Variants in SRPK1 observed in about 807,000 individuals in gnomAD.
SRPK1 encodes SRSF protein kinase 1.
Under a neutral mutation model 89.5 loss-of-function variants are expected in SRPK1, and 52 were observed. The ratio of observed to expected loss-of-function variants is 0.58; its 90% confidence interval spans 0.46 to 0.73. SRPK1 has a LOEUF of 0.73. Ranked by LOEUF, SRPK1 falls within the 30% of genes least tolerant of loss-of-function variation. The probability of loss-of-function intolerance (pLI) is 0.00; values close to 1 mark genes in which losing one functional copy is unlikely to be tolerated. For missense variants in SRPK1, 603 were observed against 780.6 expected, an observed-to-expected ratio of 0.77 and a Z score of 2.71; for synonymous variants, 255 against 270.2, an observed-to-expected ratio of 0.94 and a Z score of 0.55.
At chr6:35,870,784 T>A (rs1025080281) in intron 9 of SRPK1, 150 bp downstream of exon 9, 9 of 740,352 alleles carry the variant, frequency 1.2e-5, no homozygotes, top group Non-Finnish European at 1.7e-5. Flanking sequence ...TGAAGGTGCA[T>A]GGGAATTTAC....
At chr6:35,914,038 C>G (rs1407505172) in intron 2 of SRPK1, among the ~76,000 whole-genome samples, 1 of 133,844 alleles carries the variant, frequency 7.5e-6, no homozygotes, top group African/African-American at 2.8e-5. Context: ...TGCAATGGCA[C>G]GATCTCGGCT....
Position 35,870,754 on chromosome 6 carries a change from C to T in SRPK1, c.777+180G>A, listed in dbSNP as rs532591110. 5.9e-5 allele frequency among the ~76,000 whole-genome samples: 9 copies of T among 152,190 alleles called. No homozygotes were observed. The South Asian group carries it at 1.5e-3, about 25-fold the overall frequency. On this transcript the variant is annotated intron_variant, in intron 9 of 15. Transcript: ENST00000373825. ...CAGACAAACTCGAATTTTTTAGAGG[C>T]CTCACCAGTACAAATGTGATGAAGG...
rs1769150306 is a variant in SRPK1 at position 35,835,153 on chromosome 6, C to A, written c.*151G>T. The A allele has an allele frequency of 7.8e-6, 6 of 770,030 alleles. No homozygotes were observed. In the South Asian group the frequency reaches 1.4e-4, roughly 18 times the overall value. 47.7% of individuals were successfully genotyped at this position (770,030 alleles called of 1,614,324 possible). A position where few individuals can be genotyped will look rare whatever the true frequency, so the allele number is the denominator to read the frequency against. On this transcript the variant is annotated 3_prime_UTR_variant, in exon 16 of 16. Transcript: ENST00000373825. Reference sequence around the variant, plus strand: ...GGGGATCTCCACAGGGTCAAGTAAGCAAACCCAAATGAACATGTTGGATTA... The same window carrying A: ...GGGGATCTCCACAGGGTCAAGTAAGAAAACCCAAATGAACATGTTGGATTA...
At chr6:35,850,455 C>T (rs1256946110) in intron 13 of SRPK1, among the ~76,000 whole-genome samples, 4 of 152,116 alleles carry the variant, frequency 2.6e-5, no homozygotes, top group African/African-American at 4.8e-5. Context: ...AAGAGGGTTA[C>T]AATAGCCACA....
chr6:35,877,529 C>A (rs1446274649), intron 6 of SRPK1, among the ~76,000 whole-genome samples: 1 of 152,052 alleles, frequency 6.6e-6, no homozygotes, highest in Non-Finnish European at 1.5e-5. Context: ...TAAGTAGAGA[C>A]ATGAAAAGTA....
intron 11 of SRPK1, 25 bp downstream of exon 11, chr6:35,869,457 T>G (rs763065308): frequency 6.2e-7 from 1 of 1,602,602 alleles, no homozygotes; most frequent in East Asian, 2.2e-5. Flanking sequence ...GAAGGAGTGT[T>G]GAGGAAGTAT....
chr6:35,876,891 A>G (rs1770166665), intron 6 of SRPK1, among the ~76,000 whole-genome samples: 1 of 152,154 alleles, frequency 6.6e-6, no homozygotes, highest in Admixed American at 6.6e-5. Context: ...AGTTGAATCA[A>G]TGGGAGCTGA....
At chr6:35,918,363 TAGTGGCACACG>T (rs1023252506) in intron 2 of SRPK1, among the ~76,000 whole-genome samples, 2 of 151,738 alleles carry the variant, frequency 1.3e-5, no homozygotes, top group Non-Finnish European at 2.9e-5. Flanking sequence ...TAACCAGGCG[TAGTGGCACACG>T]CCTGTAGTCC....
chr6:35,920,341 T>A (rs191349110), intron 2 of SRPK1, 127 bp downstream of exon 2: 3 of 979,062 alleles, frequency 3.1e-6, no homozygotes, highest in Non-Finnish European at 4.9e-6. Flanking sequence ...CCCTCCGAGC[T>A]GCCCCGAGGC....
intron 15 of SRPK1, among the ~76,000 whole-genome samples, chr6:35,838,009 C>T (rs2151077274): frequency 6.6e-6 from 1 of 151,904 alleles, no homozygotes; most frequent in East Asian, 1.9e-4. Flanking sequence ...GCTGGGATTA[C>T]AGGCGCCCGC....
intron 2 of SRPK1, among the ~76,000 whole-genome samples, chr6:35,904,123 C>T (rs577893928): frequency 1.3e-5 from 2 of 152,202 alleles, no homozygotes; most frequent in East Asian, 3.9e-4. Context: ...ATTTATCTAG[C>T]TCCTGCCAAC....
Position 35,920,469 on chromosome 6 carries a change from T to G in SRPK1, c.73A>C (p.Lys25Gln), listed in dbSNP as rs769313218. ...GGGATGTTGGGGTACAAGACTCACT[T>G]CCTTTGGGCTTTGTCCTTCTTGGCC... ...TKAKKDKAQR[K>Q]SETQHRGSAP... Residue 25 changes from lysine to glutamine, a missense_variant and splice_region_variant, in exon 2 of 16, where the codon AAA (lysine) becomes CAA (glutamine). Coordinates refer to ENST00000373825, the MANE Select transcript of SRPK1 (RefSeq NM_003137.5). The G allele has an allele frequency of 1.2e-6, 2 of 1,613,144 alleles. No homozygotes were observed. Among genetic ancestry groups the G allele is most frequent in the Non-Finnish European group, 1.7e-6 (2 of 1,179,316 alleles).
intron 12 of SRPK1, among the ~76,000 whole-genome samples, chr6:35,864,936 A>C (rs928037292): frequency 3.9e-5 from 6 of 152,244 alleles, no homozygotes; most frequent in Non-Finnish European, 5.9e-5. Context: ...CCAGGCACAG[A>C]AAGACAAATT....
At chr6:35,915,997 T>TATATATACACACACAC (rs1284737691) in intron 2 of SRPK1, among the ~76,000 whole-genome samples, 2 of 90,230 alleles carry the variant, frequency 2.2e-5, no homozygotes, top group African/African-American at 1.1e-4. Flanking sequence ...AAAAAATATA[T>TATATATACACACACAC]ACACACACAC....
chr6:35,903,303 G>A (rs757782282), intron 2 of SRPK1, among the ~76,000 whole-genome samples: 1 of 152,162 alleles, frequency 6.6e-6, no homozygotes, highest in Non-Finnish European at 1.5e-5. Context: ...CCTGAGGTCA[G>A]GAGTTTGAGA....
At chr6:35,851,989 G>A (rs534021209) in intron 13 of SRPK1, among the ~76,000 whole-genome samples, 12 of 152,308 alleles carry the variant, frequency 7.9e-5, no homozygotes, top group African/African-American at 2.9e-4. Flanking sequence ...TATATGAACT[G>A]ACATGTACAA....
chr6:35,910,005 T>TG (rs2127267866), intron 2 of SRPK1, among the ~76,000 whole-genome samples: 1 of 152,020 alleles, frequency 6.6e-6, no homozygotes, highest in East Asian at 1.9e-4. Context: ...TTTTTTAAGA[T>TG]GGAGTTTCGC....
intron 13 of SRPK1, among the ~76,000 whole-genome samples, chr6:35,843,290 C>T (rs1327524788): frequency 6.8e-6 from 1 of 147,102 alleles, no homozygotes; most frequent in Non-Finnish European, 1.5e-5. Flanking sequence ...ACATTATAAT[C>T]ACACATGGCT....
At chr6:35,905,056 G>A (rs1770822924) in intron 2 of SRPK1, 2 of 372,326 alleles carry the variant, frequency 5.4e-6, no homozygotes, top group African/African-American at 2.2e-5. Context: ...CTGAGGCAGA[G>A]GGAATGCTTG....
Sources: allele counts gnomAD v4.1 joint callset (sites outside exome capture counted in the v4.1 genomes callset), GRCh38; gene constraint gnomAD v4.1.1; transcripts MANE v1.5; gene names NCBI Gene and HGNC (gene_info 2026-07-23, HGNC 2026-07-21).